The following ADAM23 variants were observed in gnomAD, a reference collection of about 807,000 sequenced individuals.
The protein encoded by ADAM23 is disintegrin and metalloproteinase domain-containing protein 23.
Under a neutral mutation model 120.1 loss-of-function variants are expected in ADAM23, and 33 were observed. The ratio of observed to expected loss-of-function variants is 0.27; its 90% CI spans 0.21 to 0.37. The LOEUF (loss-of-function observed/expected upper bound fraction) is 0.37, where lower values mean the gene tolerates loss of function less well. ADAM23 is among the 10% of genes least tolerant of loss of function. ADAM23 has a pLI of 1.00. For missense variants in ADAM23, 862 were observed against 1,058.2 expected (o/e 0.81, Z 2.57); for synonymous variants, 367 against 375.2 (o/e 0.98, Z 0.25).
chr2:206,512,859 C>T (rs911176424), intron 3 of ADAM23, among the ~76,000 whole-genome samples: 1 of 152,134 alleles, frequency 6.6e-6, no homozygotes, highest in Non-Finnish European at 1.5e-5. Flanking sequence ...CTGTCTGTGT[C>T]ATATTTTGGT....
rs139894686 is a variant in ADAM23 at position 206,484,782 on chromosome 2, C to T, written c.509+3474C>T. 3.8e-3 allele frequency among the ~76,000 whole-genome samples: 584 copies of T among 152,278 alleles called. 6 individuals carry two copies. Among genetic ancestry groups the T allele is most frequent in the African/African-American group, 0.013 (550 of 41,542 alleles). On this transcript the variant is annotated intron_variant, in intron 3 of 25. Transcript: ENST00000264377. ...ACCCAAATCTTACTTTGAATTGTAG[C>T]TTTCATAATCCCCATGTGTCATGGG...
intron 2 of ADAM23, among the ~76,000 whole-genome samples, chr2:206,450,695 C>T (rs531922359): frequency 8.7e-4 from 132 of 152,262 alleles, no homozygotes; most frequent in African/African-American, 2.9e-3. Flanking sequence ...TCTCTCACTG[C>T]TACCCATCAT....
At chr2:206,459,019 G>A (rs1283408207) in intron 2 of ADAM23, among the ~76,000 whole-genome samples, 8 of 152,234 alleles carry the variant, frequency 5.3e-5, no homozygotes, top group Non-Finnish European at 1.0e-4. Context: ...TGGTTTTTGC[G>A]TCTTAACAGT....
chr2:206,513,236 G>A (rs1457603946), intron 3 of ADAM23, among the ~76,000 whole-genome samples: 2 of 152,246 alleles, frequency 1.3e-5, no homozygotes, highest in Non-Finnish European at 2.9e-5. Context: ...GAGACAGGTT[G>A]AAACTGAGGC....
intron 3 of ADAM23, among the ~76,000 whole-genome samples, chr2:206,524,646 G>A (rs1212917609): frequency 6.6e-6 from 1 of 152,228 alleles, no homozygotes. Context: ...AGACAAGAGA[G>A]AATGCGAGTC....
At chr2:206,576,377 G>A (rs1039398947) in intron 18 of ADAM23, among the ~76,000 whole-genome samples, 3 of 151,912 alleles carry the variant, frequency 2.0e-5, no homozygotes, top group Middle Eastern at 3.2e-3. Flanking sequence ...TTTATGATGA[G>A]AACTCTTTGT....
intron 17 of ADAM23, 102 bp downstream of exon 17, chr2:206,571,918 G>A: frequency 1.0e-6 from 1 of 990,098 alleles, no homozygotes; most frequent in Non-Finnish European, 1.6e-6. Context: ...AATTTCTTGG[G>A]TACAGTGTAC....
chr2:206,570,179 T>C (rs1272677750), intron 15 of ADAM23, among the ~76,000 whole-genome samples: 1 of 152,222 alleles, frequency 6.6e-6, no homozygotes, highest in Admixed American at 6.5e-5. Flanking sequence ...TGTATATCCA[T>C]ACATGTGTCT....
chr2:206,548,161 C>CT (rs1574526688), intron 7 of ADAM23, 120 bp from the exon 8 acceptor site: 5 of 849,516 alleles, frequency 5.9e-6, no homozygotes, highest in Non-Finnish European at 9.1e-6. Flanking sequence ...GATCAGTGTG[C>CT]TTTTTTTCAC....
chr2:206,521,212 G>A (rs1035418175), intron 3 of ADAM23, among the ~76,000 whole-genome samples: 44 of 152,058 alleles, frequency 2.9e-4, no homozygotes, highest in African/African-American at 6.3e-4. Flanking sequence ...TCACCTTGAC[G>A]GTGAGAGGCA....
intron 15 of ADAM23, among the ~76,000 whole-genome samples, chr2:206,568,450 T>C (rs1697932557): frequency 6.6e-6 from 1 of 152,182 alleles, no homozygotes; most frequent in Non-Finnish European, 1.5e-5. Context: ...TATTCATAAG[T>C]CTTGTTGCAG....
chr2:206,465,514 G>T (rs1695525610), intron 2 of ADAM23, among the ~76,000 whole-genome samples: 1 of 151,956 alleles, frequency 6.6e-6, no homozygotes, highest in African/African-American at 2.4e-5. Flanking sequence ...TCTACTTTTG[G>T]AAAAAAATTA....
intron 2 of ADAM23, among the ~76,000 whole-genome samples, chr2:206,479,898 T>C (rs1202896946): frequency 6.6e-6 from 1 of 152,216 alleles, no homozygotes; most frequent in Non-Finnish European, 1.5e-5. Context: ...ACTATCTGAT[T>C]TGGCAGTGTG....
Position 206,445,665 on chromosome 2 carries a change from T to G in ADAM23, c.432+141T>G. On this transcript the variant is annotated intron_variant, in intron 2 of 25. Transcript: ENST00000264377. ...ATTAATATTATGATAGGGGAGAAAC[T>G]GGAAGGAATTAACTTGGGATCTACT... 3 of 710,542 alleles carry G rather than the reference T, an allele frequency of 4.2e-6. No homozygotes were observed. The South Asian group carries it at 5.8e-5, about 14-fold the overall frequency. 44.0% of individuals were successfully genotyped at this position (710,542 alleles called of 1,614,324 possible).
chr2:206,527,540 CA>C (rs1161924941), intron 3 of ADAM23, among the ~76,000 whole-genome samples: 1 of 152,204 alleles, frequency 6.6e-6, no homozygotes, highest in African/African-American at 2.4e-5. Context: ...AAGGAGATTA[CA>C]AAATAATATT....
At chr2:206,544,617 T>C (rs925200953) in intron 6 of ADAM23, among the ~76,000 whole-genome samples, 4 of 150,456 alleles carry the variant, frequency 2.7e-5, no homozygotes, top group Non-Finnish European at 4.4e-5. Context: ...AGTTAAATTT[T>C]TTTTTTTTTT....
At chr2:206,513,760 A>G (rs1007667752) in intron 3 of ADAM23, among the ~76,000 whole-genome samples, 1 of 152,178 alleles carries the variant, frequency 6.6e-6, no homozygotes, top group African/African-American at 2.4e-5. Flanking sequence ...CGACGCTGCA[A>G]AGAACAGGCT....
chr2:206,544,989 C>G (rs1697365803), intron 6 of ADAM23, among the ~76,000 whole-genome samples: 1 of 151,970 alleles, frequency 6.6e-6, no homozygotes, highest in South Asian at 2.1e-4. Context: ...GTTCGAGGAG[C>G]TTTGAGGAAC....
At chr2:206,617,264 C>A (rs918773499) in intron 25 of ADAM23, among the ~76,000 whole-genome samples, 3 of 152,128 alleles carry the variant, frequency 2.0e-5, no homozygotes, top group African/African-American at 4.8e-5. Flanking sequence ...AATGAATTAG[C>A]AGTGTGATTA....
Sources: allele counts gnomAD v4.1 joint callset (sites outside exome capture counted in the v4.1 genomes callset), GRCh38; gene constraint gnomAD v4.1.1; transcripts MANE v1.5; gene names NCBI Gene and HGNC (gene_info 2026-07-23, HGNC 2026-07-21).